The following ASTN2 variants were observed in gnomAD, a reference collection of about 807,000 sequenced individuals.
ASTN2 encodes astrotactin-2.
In ASTN2, 54 loss-of-function variants were observed where a neutral mutation model predicts 139.8. The observed-to-expected ratio is 0.39, with a 90% CI of 0.31 to 0.48. The LOEUF (loss-of-function observed/expected upper bound fraction) is 0.48. ASTN2 is among the 20% of genes least tolerant of loss of function. ASTN2 has a pLI of 0.95. For missense variants in ASTN2, 1,565 were observed against 1,725.1 expected, an observed-to-expected ratio of 0.91 and a Z score of 1.64; for synonymous variants, 756 against 719.5, an observed-to-expected ratio of 1.05 and a Z score of -0.81.
rs186950699 is a variant in ASTN2 at position 116,614,326 on chromosome 9, C to T, written c.3355+3998G>A. 4.4e-3 allele frequency among the ~76,000 whole-genome samples: 668 copies of T among 152,204 alleles called. 7 individuals carry two copies. Among genetic ancestry groups the T allele is most frequent in the African/African-American group, 0.015 (629 of 41,522 alleles). On this transcript the variant is annotated intron_variant, in intron 19 of 22. Coordinates refer to ENST00000313400, the MANE Select transcript of ASTN2 (RefSeq NM_001365068.1). Reference sequence around the variant, plus strand: ...GATAATTTATAGATTCAGTGCCATCCCCAGCAAGCTACCAATGACTTTCTT... The same window carrying T: ...GATAATTTATAGATTCAGTGCCATCTCCAGCAAGCTACCAATGACTTTCTT...
chr9:117,390,689 T>C (rs902748932), intron 1 of ASTN2, among the ~76,000 whole-genome samples: 1 of 152,222 alleles, frequency 6.6e-6, no homozygotes, highest in Admixed American at 6.5e-5. Context: ...AGCTCATCTA[T>C]TTTTATTTCT....
chr9:117,067,540 GAAGA>G (rs1421519993), intron 5 of ASTN2, among the ~76,000 whole-genome samples: 6 of 142,064 alleles, frequency 4.2e-5, no homozygotes, highest in Admixed American at 2.1e-4. Context: ...CCAATTCTGT[GAAGA>G]AAGGCATTGG....
At chr9:116,480,113 A>AAAGG (rs1391150657) in intron 20 of ASTN2, among the ~76,000 whole-genome samples, 3 of 151,724 alleles carry the variant, frequency 2.0e-5, no homozygotes, top group African/African-American at 7.3e-5. Context: ...ATGGGTGAAG[A>AAAGG]AAGGAAGGAA....
intron 5 of ASTN2, among the ~76,000 whole-genome samples, chr9:117,052,676 A>G (rs1838948303): frequency 6.6e-6 from 1 of 152,196 alleles, no homozygotes; most frequent in Admixed American, 6.5e-5. Flanking sequence ...AAAGGTCCAA[A>G]CACATGCAGA....
At chr9:116,820,478 GACTAAA>G (rs1185193405) in intron 12 of ASTN2, 133 bp downstream of exon 12, 3 of 1,143,980 alleles carry the variant, frequency 2.6e-6, no homozygotes, top group Non-Finnish European at 3.7e-6. Flanking sequence ...TTGGCTCTTG[GACTAAA>G]ACAGGAAAGG....
At chr9:117,314,250 T>C (rs1293320752) in intron 1 of ASTN2, among the ~76,000 whole-genome samples, 1 of 151,814 alleles carries the variant, frequency 6.6e-6, no homozygotes, top group African/African-American at 2.4e-5. Flanking sequence ...AATGTTTGCA[T>C]GAAGTGACAT....
chr9:117,170,307 T>C (rs1022550445), intron 3 of ASTN2, among the ~76,000 whole-genome samples: 5 of 152,080 alleles, frequency 3.3e-5, no homozygotes, highest in Admixed American at 6.5e-5. Flanking sequence ...CTGTTTCCCA[T>C]TGTGTGTCTC....
intron 4 of ASTN2, among the ~76,000 whole-genome samples, chr9:117,139,841 G>C (rs758426880): frequency 3.3e-5 from 5 of 152,180 alleles, no homozygotes; most frequent in Non-Finnish European, 7.3e-5. Flanking sequence ...CGTCTTCATA[G>C]AAATGTGCCA....
intron 3 of ASTN2, among the ~76,000 whole-genome samples, chr9:117,212,806 G>A (rs961060435): frequency 6.6e-6 from 1 of 152,114 alleles, no homozygotes; most frequent in Non-Finnish European, 1.5e-5. Flanking sequence ...GTGAGAATGC[G>A]GAGAAAAGAA....
Position 117,283,449 on chromosome 9 carries a change from A to T in ASTN2, c.630+7877T>A, listed in dbSNP as rs568988353. On this transcript the variant is annotated intron_variant, in intron 2 of 22. Coordinates refer to ENST00000313400, the MANE Select transcript of ASTN2 (RefSeq NM_001365068.1). ...GGAAAAAAAAACGTGAATGATACTC[A>T]TGGGGTATGTCCCACTTTTGTAAAA... Among the ~76,000 whole-genome samples the T allele has an allele frequency of 1.3e-3, 202 of 152,314 alleles. 2 individuals are homozygous for T. Among genetic ancestry groups the T allele is most frequent in the Middle Eastern group, 3.4e-3 (1 of 294 alleles).
chr9:116,952,688 AG>A (rs1204912092), intron 10 of ASTN2, among the ~76,000 whole-genome samples: 1 of 152,180 alleles, frequency 6.6e-6, no homozygotes, highest in African/African-American at 2.4e-5. Flanking sequence ...CATCATGTTA[AG>A]CTGCCCATTC....
intron 19 of ASTN2, among the ~76,000 whole-genome samples, chr9:116,560,554 TTCCCTCCAGCC>T (rs528344884): frequency 7.1e-4 from 108 of 152,288 alleles, no homozygotes; most frequent in African/African-American, 2.4e-3. Context: ...TCATTCCAGC[TTCCCTCCAGCC>T]TCAAGTCTTT....
intron 20 of ASTN2, among the ~76,000 whole-genome samples, chr9:116,453,451 G>A (rs1390697619): frequency 6.6e-6 from 1 of 151,814 alleles, no homozygotes; most frequent in Non-Finnish European, 1.5e-5. Context: ...AAAATTAGCT[G>A]GGCGTGGTGG....
intron 11 of ASTN2, among the ~76,000 whole-genome samples, chr9:116,842,541 TC>T (rs1832292573): frequency 1.3e-5 from 2 of 151,672 alleles, no homozygotes; most frequent in East Asian, 3.9e-4. Flanking sequence ...GCTCTGCCAG[TC>T]CCCAGTCCCC....
chr9:116,497,493 C>A (rs1321757272), intron 19 of ASTN2, among the ~76,000 whole-genome samples: 1 of 152,106 alleles, frequency 6.6e-6, no homozygotes, highest in South Asian at 2.1e-4. Context: ...TTACGTGCAG[C>A]CAACCAAGGA....
chr9:117,098,469 G>C (rs959523411), intron 4 of ASTN2, among the ~76,000 whole-genome samples: 1 of 152,066 alleles, frequency 6.6e-6, no homozygotes, highest in Non-Finnish European at 1.5e-5. Flanking sequence ...CCTTAAGACG[G>C]TATGTTCTAA....
At chr9:116,870,987 G>A (rs977517694) in intron 10 of ASTN2, among the ~76,000 whole-genome samples, 26 of 152,240 alleles carry the variant, frequency 1.7e-4, no homozygotes, top group African/African-American at 5.1e-4. Flanking sequence ...GGGCAGGCAC[G>A]GTGCCTCACG....
intron 16 of ASTN2, among the ~76,000 whole-genome samples, chr9:116,681,977 T>C (rs1209142809): frequency 6.6e-6 from 1 of 151,840 alleles, no homozygotes; most frequent in Non-Finnish European, 1.5e-5. Context: ...AAGGACTTCA[T>C]GTCTAAAACA....
At chr9:116,456,691 G>A (rs1034405064) in intron 20 of ASTN2, among the ~76,000 whole-genome samples, 7 of 152,082 alleles carry the variant, frequency 4.6e-5, no homozygotes, top group Admixed American at 3.9e-4. Context: ...AATCTTGTGA[G>A]ACTTATTCAC....
Sources: allele counts gnomAD v4.1 joint callset (sites outside exome capture counted in the v4.1 genomes callset), GRCh38; gene constraint gnomAD v4.1.1; transcripts MANE v1.5; gene names NCBI Gene and HGNC (gene_info 2026-07-23, HGNC 2026-07-21).